TMX3: variants seen among roughly 807,000 people sequenced by gnomAD.
TMX3 encodes the protein protein disulfide-isomerase TMX3.
A neutral mutation model predicts 64.4 loss-of-function variants in TMX3; 40 were observed. The ratio of observed to expected loss-of-function variants is 0.62; its 90% CI spans 0.48 to 0.81. The LOEUF (loss-of-function observed/expected upper bound fraction) is 0.81, where lower values mean the gene tolerates loss of function less well. Among genes scored for constraint, TMX3 ranks in the 30% least tolerant of loss-of-function variants. The pLI is 0.00. For synonymous variants in TMX3, 189 were observed against 175.7 expected (o/e 1.08, Z -0.60); for missense variants, 497 against 534.5 (o/e 0.93, Z 0.69).
Position 68,697,270 on chromosome 18 carries a change from C to T in TMX3, c.526G>A (p.Val176Ile). The T allele has an allele frequency of 6.3e-7, 1 of 1,579,800 alleles. No individual in the cohort carries two copies. The highest frequency in any genetic ancestry group is 1.3e-5 in the African/African-American group (1 of 74,130). The change falls in exon 8 of 16, where the codon GTA (valine) becomes ATA (isoleucine). Residue 176 changes from valine to isoleucine, a missense_variant. By Grantham distance (29) the Val-to-Ile change is conservative (BLOSUM62 3). Around this residue, in one of 3 missense-constraint regions of TMX3, gnomAD observed 360 missense variants for 383.5 expected, o/e 0.94. Transcript: ENST00000299608. The part of the protein sequence containing the change: ...KYIDAASELI[V>I]YTYFFSASEE... ...GAGGCAGAAAAGAAGTATGTATATACAATCAATTCTGAAGCAGCATCTATG... is the reference window on the plus strand; with the variant it reads ...GAGGCAGAAAAGAAGTATGTATATATAATCAATTCTGAAGCAGCATCTATG...
chr18:68,695,335 T>G (rs1444121589), intron 8 of TMX3, among the ~76,000 whole-genome samples: 4 of 152,230 alleles, frequency 2.6e-5, no homozygotes, highest in Non-Finnish European at 5.9e-5. Context: ...TTTGCTGACC[T>G]CAGGTTCTGG....
chr18:68,684,185 C>T lies in TMX3; in HGVS notation c.848+5G>A, dbSNP rs1476660255. 6.9e-6 allele frequency: 11 copies of T among 1,602,970 alleles called. No individual in the cohort carries two copies. The highest frequency in any genetic ancestry group is 9.4e-6 in the Non-Finnish European group (11 of 1,173,468). The stretch of plus-strand genomic sequence containing the variant: ...AAAGGAATCTCTCAGAATATAAGCA[C>T]CTACCTATGGAAGAGGTCTCTGTAA... On this transcript the variant is annotated splice_donor_5th_base_variant and intron_variant, in intron 12 of 15. Coordinates refer to ENST00000299608, the MANE Select transcript of TMX3 (RefSeq NM_019022.5).
chr18:68,682,325 T>C (rs1443106122), intron 13 of TMX3, among the ~76,000 whole-genome samples: 1 of 152,198 alleles, frequency 6.6e-6, no homozygotes, highest in Admixed American at 6.5e-5. Flanking sequence ...TTTTCTAATA[T>C]CAGTCTTGTG....
intron 4 of TMX3, among the ~76,000 whole-genome samples, chr18:68,705,037 T>C (rs1212572034): frequency 6.6e-6 from 1 of 152,218 alleles, no homozygotes. Context: ...TGTCACTATG[T>C]GTCTAACATG....
At chr18:68,684,517 TC>T in intron 10 of TMX3, 32 bp from the exon 11 acceptor site, 3 of 1,581,124 alleles carry the variant, frequency 1.9e-6, no homozygotes, top group Non-Finnish European at 2.6e-6. Context: ...CTGAATTCAA[TC>T]ACCCTTATTA....
At chr18:68,702,096 A>C (rs2030145769) in intron 4 of TMX3, among the ~76,000 whole-genome samples, 1 of 150,766 alleles carries the variant, frequency 6.6e-6, no homozygotes, top group Admixed American at 6.6e-5. Context: ...AAAAAAAATA[A>C]AAATAAAAAT....
chr18:68,695,512 T>C (rs1914973414), intron 8 of TMX3, among the ~76,000 whole-genome samples: 1 of 152,180 alleles, frequency 6.6e-6, no homozygotes, highest in Non-Finnish European at 1.5e-5. Context: ...AAAGCACTTT[T>C]CACCCTCCAT....
intron 4 of TMX3, among the ~76,000 whole-genome samples, chr18:68,707,523 A>T (rs1255534232): frequency 6.6e-6 from 1 of 152,176 alleles, no homozygotes; most frequent in East Asian, 1.9e-4. Flanking sequence ...AGAATGTGAC[A>T]ATGAAAATTG....
At chr18:68,713,943 T>C (rs764490694) in intron 1 of TMX3, 43 bp from the exon 2 acceptor site, 20 of 1,412,386 alleles carry the variant, frequency 1.4e-5, no homozygotes, top group South Asian at 5.0e-5. Context: ...TGCTGATTAT[T>C]TGGCTCATAC....
chr18:68,682,466 T>C (rs572135262), intron 13 of TMX3, among the ~76,000 whole-genome samples: 2 of 152,314 alleles, frequency 1.3e-5, no homozygotes, highest in South Asian at 4.1e-4. Flanking sequence ...ACATTTTCTA[T>C]GTAATAGTCT....
intron 13 of TMX3, chr18:68,681,327 A>G (rs544724635): frequency 1.0e-5 from 6 of 587,494 alleles, no homozygotes; most frequent in Non-Finnish European, 1.4e-5. Context: ...AGGATACGCA[A>G]TTCATCTTTA....
chr18:68,704,175 G>A (rs2030421914), intron 4 of TMX3, among the ~76,000 whole-genome samples: 1 of 152,088 alleles, frequency 6.6e-6, no homozygotes. Context: ...ATTCTTAAAT[G>A]CTAGATCCTT....
At chr18:68,690,083 ATAAAACAAAT>A (rs1347951044) in intron 9 of TMX3, 1 of 152,240 alleles carries the variant, frequency 6.6e-6, no homozygotes, top group Admixed American at 6.5e-5. Context: ...GCTACTTATA[ATAAAACAAAT>A]TGTTCCTTTT....
At chr18:68,709,889 T>C (rs906648236) in intron 4 of TMX3, 132 bp downstream of exon 4, 2 of 757,974 alleles carry the variant, frequency 2.6e-6, no homozygotes, top group Non-Finnish European at 3.9e-6. Context: ...TCATAAAGTA[T>C]ACAGTCTTAA....
rs146896457 is a variant in TMX3, at chr18:68,709,347, A to G, written c.265+674T>C. ...CCTTTAAAACAGGTGTCGGTATAAA[A>G]GGTCAGATAAATATTTTAGGCTTTC... On this transcript the variant is annotated intron_variant, in intron 4 of 15. Transcript: ENST00000299608. Among the ~76,000 whole-genome samples, 412 of 152,252 alleles carry G rather than the reference A, an allele frequency of 2.7e-3. 1 individual carries two copies. The highest frequency in any genetic ancestry group is 9.6e-3 in the African/African-American group (401 of 41,580).
At chr18:68,679,126 G>A (rs1026895905) in intron 15 of TMX3, among the ~76,000 whole-genome samples, 3 of 151,992 alleles carry the variant, frequency 2.0e-5, no homozygotes, top group African/African-American at 4.8e-5. Flanking sequence ...AAGACAGCAC[G>A]TAATGGAACT....
rs1411531573 is a variant in TMX3, at chr18:68,682,904, AT to A, written c.905+20del. ...AAAAATTAATAGATTTGACAGCAAA[AT>A]CATTCAGCACTTTACTTACTCCATC... On this transcript the variant is annotated intron_variant, in intron 13 of 15. Transcript: ENST00000299608. The A allele has an allele frequency of 4.4e-6, 7 of 1,581,272 alleles. No homozygotes were observed. The highest frequency in any genetic ancestry group is 6.0e-6 in the Non-Finnish European group (7 of 1,163,344).
At chr18:68,678,925 G>A (rs1352543515) in intron 15 of TMX3, among the ~76,000 whole-genome samples, 1 of 150,944 alleles carries the variant, frequency 6.6e-6, no homozygotes, top group South Asian at 2.1e-4. Context: ...AAAAAAAAAA[G>A]GAAGGAGAGA....
In TMX3 at chr18:68,713,868, A is replaced by G. The variant is rs898659375; in HGVS notation, c.79T>C (p.Phe27Leu). Reference sequence around the variant, plus strand: ...CACGATTCATCTAAATCTTCTACAAATCCTTTACAGACGACCATATCAAGT... The same window carrying G: ...CACGATTCATCTAAATCTTCTACAAGTCCTTTACAGACGACCATATCAAGT... ...VVLDMVVCKG[F>L]VEDLDESFKE... is the part of the protein sequence containing the mutation. Residue 27 changes from phenylalanine to leucine, a missense_variant, in exon 2 of 16, where the codon TTT becomes CTT. Physicochemically the swap from Phe to Leu is conservative, Grantham distance 22. Around this residue, in one of 3 missense-constraint regions of TMX3, gnomAD observed 360 missense variants for 383.5 expected, o/e 0.94. Coordinates refer to ENST00000299608, the MANE Select transcript of TMX3 (RefSeq NM_019022.5). 1.3e-6 allele frequency: 2 copies of G among 1,574,762 alleles called. No homozygotes were observed. Among genetic ancestry groups the G allele is most frequent in the East Asian group, 2.2e-5 (1 of 44,576 alleles).
Sources: allele counts gnomAD v4.1 joint callset (sites outside exome capture counted in the v4.1 genomes callset), GRCh38; gene constraint gnomAD v4.1.1; regional missense constraint gnomAD v4.1.1; transcripts MANE v1.5; gene names NCBI Gene and HGNC (gene_info 2026-07-23, HGNC 2026-07-21).